MROH6: variants seen among roughly 807,000 people sequenced by gnomAD.
MROH6 encodes the protein maestro heat-like repeat-containing protein family member 6.
A neutral mutation model predicts 67.7 loss-of-function variants in MROH6; 62 were observed. That is an observed-to-expected ratio of 0.92 (90% CI 0.75 to 1.13). The LOEUF is 1.13. Ranked by LOEUF, MROH6 falls within the 50% of genes most tolerant of loss-of-function variation. The pLI is 0.00. For missense variants in MROH6, 1,175 were observed against 1,029.1 expected, an observed-to-expected ratio of 1.14 and a Z score of -1.94; for synonymous variants, 566 against 470.8, an observed-to-expected ratio of 1.20 and a Z score of -2.62.
chr8:143,566,420 G>C lies in MROH6; in HGVS notation c.*819C>G, dbSNP rs1038467713. The C allele has an allele frequency of 6.6e-6, 1 of 152,280 alleles. No individual in the cohort carries two copies. The highest frequency in any genetic ancestry group is 1.5e-5 in the Non-Finnish European group (1 of 68,068). The allele number at this position is 152,280 out of a possible 1,614,324, so 9.4% of individuals were successfully genotyped here. A position where few individuals can be genotyped will look rare whatever the true frequency, so the allele number is the denominator to read the frequency against. ...TCCAGGCAGGCATCCTAGGTGCAGG[G>C]ACCTGCCGCCCAAAGCCAGAGAGGT... On this transcript the variant is annotated 3_prime_UTR_variant, in exon 14 of 14. Transcript: ENST00000398882.
chr8:143,570,889 G>C lies in MROH6; in HGVS notation c.708C>G (p.Pro236=), dbSNP rs1042631268. 6.5e-7 allele frequency: 1 copy of C among 1,545,822 alleles called. No individual in the cohort carries two copies. The highest frequency in any genetic ancestry group is 8.7e-7 in the Non-Finnish European group (1 of 1,146,098). ...TGGAGCCACCTACCGCCAGTGCCTG[G>C]GGCTCCGGCCCCGAAGCACCCTTCA... ...WALKGASGPE[P]QALAATRALG... is the part of the protein sequence containing the mutation. The change falls in exon 4 of 14, where the codon CCC becomes CCG. Residue 236 remains proline, a synonymous_variant. Transcript: ENST00000398882.
At chr8:143,568,887 T>G in intron 9 of MROH6, 168 bp from the exon 10 acceptor site, 2 of 535,592 alleles carry the variant, frequency 3.7e-6, no homozygotes, top group Non-Finnish European at 6.3e-6. Flanking sequence ...TTGGGAAGCC[T>G]GGAGAGCCCC....
rs368741505 is a variant in MROH6 at position 143,571,051 on chromosome 8, G to A, written c.603-57C>T. 1.1e-5 allele frequency: 15 copies of A among 1,425,020 alleles called. 1 individual carries two copies. The African/African-American group carries it at 1.7e-4, about 16-fold the overall frequency. 88.3% of individuals were successfully genotyped at this position (1,425,020 alleles called of 1,614,324 possible). On this transcript the variant is annotated intron_variant, in intron 3 of 13. Coordinates refer to ENST00000398882, the MANE Select transcript of MROH6 (RefSeq NM_001100878.2). ...AGAGATGGGTGGGTGTCCAGGGAAT[G>A]TAGGGAGTCCCCAGCCAGGGTGGAG... is the stretch of plus-strand genomic sequence containing the variant.
rs1824061779 is a variant in MROH6, at chr8:143,571,815, C to T, written c.454G>A (p.Ala152Thr). 1.2e-5 allele frequency: 18 copies of T among 1,543,684 alleles called. No homozygotes were observed. The highest frequency in any genetic ancestry group is 1.6e-5 in the Non-Finnish European group (18 of 1,145,396). The change falls in exon 3 of 14, where the codon GCT (alanine) becomes ACT (threonine). Residue 152 changes from alanine (A) to threonine (T), a missense_variant. Physicochemically the swap from Ala to Thr is moderately conservative, Grantham distance 58 (BLOSUM62 0). Transcript: ENST00000398882. ...TGCGCCAGCAGCCCACGCACCAGAG[C>T]ATGCACCTGGTGGGGAAGGGGGCAG... Reference protein sequence around the residue: ...RGERLEDQVHALVRGLLAQVP... With the variant: ...RGERLEDQVHTLVRGLLAQVP...
chr8:143,567,712 A>C (rs767055656), intron 12 of MROH6, 36 bp from the exon 13 acceptor site: 1 of 1,575,224 alleles, frequency 6.3e-7, no homozygotes, highest in Non-Finnish European at 8.6e-7. Context: ...CAGGCCCCAC[A>C]GCCCCCCAGG....
At position 143,571,662 on chromosome 8, in the gene MROH6, G is replaced by A; in HGVS notation, c.602+5C>T. The A allele has an allele frequency of 6.4e-7, 1 of 1,561,322 alleles. No homozygotes were observed. The highest frequency in any genetic ancestry group is 2.4e-5 in the East Asian group (1 of 41,632). On this transcript the variant is annotated splice_donor_5th_base_variant and intron_variant, in intron 3 of 13. Transcript: ENST00000398882. The stretch of plus-strand genomic sequence containing the variant: ...GGGACCGCAGGGCCAGGACGGTTGG[G>A]TTACCGATCGGCGGGCAGAGAGCGG...
rs1464383143 is a variant in MROH6 at position 143,567,389 on chromosome 8, C to A, written c.2010G>T (p.Met670Ile). The A allele has an allele frequency of 5.6e-6, 7 of 1,250,104 alleles. No individual in the cohort carries two copies. The highest frequency in any genetic ancestry group is 6.0e-6 in the Non-Finnish European group (6 of 997,542). The allele number at this position is 1,250,104 out of a possible 1,614,324, so 77.4% of individuals were successfully genotyped here. A position where few individuals can be genotyped will look rare whatever the true frequency, so the allele number is the denominator to read the frequency against. ...GGGGGCAGCCCCGGGCACGGGCCAG[C>A]ATCGCCACCTGCTGAGCGGACACGT... ...AAHVSAQQVA[M>I]LARARGCPRG... is the part of the protein sequence containing the mutation. Residue 670 changes from methionine (M) to isoleucine (I), a missense_variant, in exon 14 of 14, where the codon ATG becomes ATT. Transcript: ENST00000398882.
Position 143,569,722 on chromosome 8 carries a change from C to T in MROH6, c.1277G>A (p.Gly426Asp). ...TVRWLGLLGLGHLALNRRKVR... is the reference protein window; with the variant it reads ...TVRWLGLLGLDHLALNRRKVR... ...CTTCCTGCGATTCAGCGCGAGGTGG[C>T]CCAGGCCCAGCAGGCCCAACCAGCG... Residue 426 changes from glycine (G) to aspartate (D), a missense_variant, in exon 8 of 14, where the codon GGC becomes GAC. By Grantham distance (94) the Gly-to-Asp change is moderately conservative. Coordinates refer to ENST00000398882, the MANE Select transcript of MROH6 (RefSeq NM_001100878.2). 1 of 1,613,150 alleles carries T rather than the reference C, an allele frequency of 6.2e-7. No individual in the cohort carries two copies. Among genetic ancestry groups the T allele is most frequent in the African/African-American group, 1.3e-5 (1 of 75,058 alleles).
rs761877337 is a variant in MROH6, at chr8:143,568,247, G to T, written c.1659C>A (p.Thr553=). 6.2e-7 allele frequency: 1 copy of T among 1,609,398 alleles called. No homozygotes were observed. Among genetic ancestry groups the T allele is most frequent in the Non-Finnish European group, 8.5e-7 (1 of 1,178,478 alleles). The change falls in exon 11 of 14, where the codon ACC becomes ACA. Residue 553 remains threonine, a synonymous_variant. Coordinates refer to ENST00000398882, the MANE Select transcript of MROH6 (RefSeq NM_001100878.2). ...SRDAAESSEW[T]LARCDHAFCW... ...AAAAGGCGTGGTCACAGCGGGCCAG[G>T]GTCCACTCTGAGCTCTGGGATAGGG...
In MROH6 at chr8:143,567,468, G is replaced by A. The variant is rs750930123; in HGVS notation, c.1934-3C>T. 1.4e-6 allele frequency: 2 copies of A among 1,421,842 alleles called. No homozygotes were observed. The highest frequency in any genetic ancestry group is 1.5e-5 in the African/African-American group (1 of 68,406). 88.1% of individuals were successfully genotyped at this position (1,421,842 alleles called of 1,614,324 possible). A position where few individuals can be genotyped will look rare whatever the true frequency, so the allele number is the denominator to read the frequency against. ...GTCGCTCTGCAGTCGCCCTAGGTCT[G>A]CGAGGAGATCGCGGCTCAGGCTGGG... On this transcript the variant is annotated splice_region_variant and splice_polypyrimidine_tract_variant and intron_variant, in intron 13 of 13. Coordinates refer to ENST00000398882, the MANE Select transcript of MROH6 (RefSeq NM_001100878.2).
Position 143,570,015 on chromosome 8 carries a change from A to G in MROH6, c.1094T>C (p.Leu365Ser). 6.2e-7 allele frequency: 1 copy of G among 1,611,270 alleles called. No homozygotes were observed. The highest frequency in any genetic ancestry group is 8.5e-7 in the Non-Finnish European group (1 of 1,179,838). ...DHHLRGLFAD[L>S]LPRLRSADDP... ...GTCCGCGCTGCGAAGCCGAGGGAGC[A>G]AGTCTGCGAAGAGGCCTCGCAGGTG... is the stretch of plus-strand genomic sequence containing the variant. The change falls in exon 7 of 14, where the codon TTG becomes TCG. Residue 365 changes from leucine (L) to serine (S), a missense_variant. Physicochemically the swap from Leu to Ser is moderately radical, Grantham distance 145. Coordinates refer to ENST00000398882, the MANE Select transcript of MROH6 (RefSeq NM_001100878.2).
rs563336590 is a variant in MROH6 at position 143,569,589 on chromosome 8, G to C, written c.1328C>G (p.Pro443Arg). ...TTCGCCCAGTGCGCCCAGGAGCGCC[G>C]GCAGCAGCGTGCTCACGTGCCGCAC... ...RKVRHVSTLLPALLGALGEGD... is the reference protein window; with the variant it reads ...RKVRHVSTLLRALLGALGEGD... Residue 443 changes from proline to arginine, a missense_variant, in exon 9 of 14, where the codon CCG becomes CGG. Transcript: ENST00000398882. 1.3e-6 allele frequency: 2 copies of C among 1,569,998 alleles called. No individual in the cohort carries two copies. The highest frequency in any genetic ancestry group is 1.2e-5 in the South Asian group (1 of 85,494).
chr8:143,568,411 G>A, intron 10 of MROH6, 141 bp downstream of exon 10: 1 of 1,429,708 alleles, frequency 7.0e-7, no homozygotes, highest in Non-Finnish European at 9.3e-7. Flanking sequence ...AAGAGCAGTA[G>A]TAACCTGGCC....
rs778706988 is a variant in MROH6 at position 143,571,736 on chromosome 8, C to T, written c.533G>A (p.Ser178Asn). ...CCGCGCATGCTCCAGGGCCAGTGCG[C>T]TCAGCACTCGCAGGGCCGCCCTCCA... ...RPWRAALRVL[S>N]ALALEHARDV... Residue 178 changes from serine (S) to asparagine (N), a missense_variant, in exon 3 of 14, where the codon AGC becomes AAC. Transcript: ENST00000398882. 1.3e-6 allele frequency: 2 copies of T among 1,550,066 alleles called. No individual in the cohort carries two copies. Among genetic ancestry groups the T allele is most frequent in the Non-Finnish European group, 1.7e-6 (2 of 1,148,042 alleles).
At chr8:143,568,803 AGC>A in intron 9 of MROH6, 84 bp from the exon 10 acceptor site, 1 of 1,114,654 alleles carries the variant, frequency 9.0e-7, no homozygotes, top group Non-Finnish European at 1.2e-6. Context: ...GGAGCGAGGA[AGC>A]GGCGGGTCTA....
At chr8:143,568,960 G>A (rs1823809721) in intron 9 of MROH6, 2 of 452,102 alleles carry the variant, frequency 4.4e-6, no homozygotes, top group Non-Finnish European at 7.6e-6. Context: ...GAGGAGCTTG[G>A]CGGGACACGG....
Position 143,571,648 on chromosome 8 carries a change from G to A in MROH6, c.602+19C>T. 1 of 1,559,078 alleles carries A rather than the reference G, an allele frequency of 6.4e-7. No individual in the cohort carries two copies. The highest frequency in any genetic ancestry group is 1.2e-5 in the South Asian group (1 of 84,570). On this transcript the variant is annotated intron_variant, in intron 3 of 13. Coordinates refer to ENST00000398882, the MANE Select transcript of MROH6 (RefSeq NM_001100878.2). The stretch of plus-strand genomic sequence containing the variant: ...AAGGAAGCCGCGTGGGGACCGCAGG[G>A]CCAGGACGGTTGGGTTACCGATCGG...
rs201399251 is a variant in MROH6, at chr8:143,570,347, G to A, written c.939C>T (p.Thr313=). 5.6e-5 allele frequency: 91 copies of A among 1,610,670 alleles called. 2 individuals carry two copies. Among genetic ancestry groups the A allele is most frequent in the South Asian group, 3.3e-4 (30 of 91,038 alleles). Residue 313 remains threonine, a synonymous_variant, in exon 6 of 14, where the codon ACC becomes ACT. Transcript: ENST00000398882. The part of the protein sequence containing the change: ...CAVEALKALL[T]GDGGRMVVTC... ...TGACCACCATGCGGCCTCCATCCCC[G>A]GTGAGCAGCGCCTTCAAGGCCTCCA... is the stretch of plus-strand genomic sequence containing the variant.
chr8:143,568,839 A>G (rs1823799596), intron 9 of MROH6, 120 bp from the exon 10 acceptor site: 1 of 733,426 alleles, frequency 1.4e-6, no homozygotes. Context: ...ACTCGGTGTG[A>G]TCTGGGGACA....
Sources: gnomAD v4.1 joint callset for allele counts on GRCh38, gnomAD v4.1.1 for gene constraint, MANE v1.5 for transcripts, NCBI Gene and HGNC (gene_info 2026-07-23, HGNC 2026-07-21) for gene names.